CENPC: variants seen among roughly 807,000 people sequenced by gnomAD.
CENPC encodes the protein CENP-C 1.
CENPC carries 63 observed loss-of-function variants against 112.1 expected under a neutral mutation model. The ratio of observed to expected loss-of-function variants is 0.56; its 90% CI spans 0.46 to 0.69. CENPC has a LOEUF of 0.69. CENPC is among the 30% of genes least tolerant of loss of function. The pLI is 0.00. For missense variants in CENPC, 1,000 were observed against 1,103.8 expected (o/e 0.91, Z 1.33); for synonymous variants, 333 against 367.6 (o/e 0.91, Z 1.08).
intron 5 of CENPC, among the ~76,000 whole-genome samples, chr4:67,527,205 T>C (rs923833311): frequency 7.2e-5 from 11 of 152,086 alleles, no homozygotes; most frequent in Non-Finnish European, 1.3e-4. Context: ...TAATACACCA[T>C]GACCACATGG....
chr4:67,522,003 T>C (rs890695826), intron 5 of CENPC, among the ~76,000 whole-genome samples: 5 of 152,206 alleles, frequency 3.3e-5, no homozygotes, highest in African/African-American at 9.6e-5. Context: ...TATGGATTCA[T>C]GGTGGTGATA....
rs1726302477 is a variant in CENPC, at chr4:67,523,993, A to G, written c.332-4491T>C. 2.0e-5 allele frequency among the ~76,000 whole-genome samples: 3 copies of G among 152,100 alleles called. No homozygotes were observed. In the South Asian group the frequency reaches 6.2e-4, roughly 32 times the overall value. ...ACAGTAATGAATTATAAAGTAGAAA[A>G]TAAAATTTATCCATCAAGAAAAGAA... On this transcript the variant is annotated intron_variant, in intron 5 of 18. Transcript: ENST00000273853.
At chr4:67,527,225 G>C (rs544903210) in intron 5 of CENPC, among the ~76,000 whole-genome samples, 1 of 152,028 alleles carries the variant, frequency 6.6e-6, no homozygotes, top group South Asian at 2.1e-4. Context: ...GAAATTTTAC[G>C]CAAGGCTGGT....
intron 9 of CENPC, 102 bp from the exon 10 acceptor site, chr4:67,509,207 T>TACACACACACAC (rs36207189): frequency 3.3e-4 from 160 of 486,100 alleles, no homozygotes; most frequent in African/African-American, 7.6e-4. Flanking sequence ...CATATACACA[T>TACACACACACAC]ACACACACAC....
At chr4:67,523,821 G>A (rs1456465257) in intron 5 of CENPC, among the ~76,000 whole-genome samples, 2 of 152,054 alleles carry the variant, frequency 1.3e-5, no homozygotes, top group Non-Finnish European at 2.9e-5. Flanking sequence ...GGTTGATTCT[G>A]GGATGGGGCA....
At chr4:67,527,867 C>T (rs1475111129) in intron 5 of CENPC, among the ~76,000 whole-genome samples, 1 of 151,848 alleles carries the variant, frequency 6.6e-6, no homozygotes, top group Non-Finnish European at 1.5e-5. Flanking sequence ...AAATTAAAGA[C>T]ATAAACTAAA....
At chr4:67,537,016 C>T (rs918106630) in intron 4 of CENPC, among the ~76,000 whole-genome samples, 4 of 145,764 alleles carry the variant, frequency 2.7e-5, no homozygotes, top group Admixed American at 2.7e-4. Flanking sequence ...ACCAAGATCC[C>T]TACCTCTAAT....
At chr4:67,497,459 A>G (rs1209151040) in intron 12 of CENPC, among the ~76,000 whole-genome samples, 1 of 152,176 alleles carries the variant, frequency 6.6e-6, no homozygotes, top group Non-Finnish European at 1.5e-5. Flanking sequence ...CTACTGCAGT[A>G]AAACAGATAC....
rs866666238 is a variant in CENPC, at chr4:67,514,544, C to T, written c.974G>A (p.Gly325Glu). The T allele has an allele frequency of 6.2e-7, 1 of 1,612,244 alleles. No homozygotes were observed. The highest frequency in any genetic ancestry group is 1.3e-5 in the African/African-American group (1 of 74,952). The change falls in exon 8 of 19, where the codon GGG (glycine) becomes GAG (glutamate). Residue 325 changes from glycine to glutamate, a missense_variant. Gly to Glu is a moderately conservative substitution (Grantham distance 98). Transcript: ENST00000273853. The stretch of plus-strand genomic sequence containing the variant: ...GGATATTGTGCGTTGTTTCAGAGAC[C>T]CTGCCTTTCTTGGTATTGTAATCCA... ...RSWITIPRKA[G>E]SLKQRTISPA...
At chr4:67,519,694 T>C (rs1351057900) in intron 5 of CENPC, among the ~76,000 whole-genome samples, 192 bp from the exon 6 acceptor site, 1 of 152,020 alleles carries the variant, frequency 6.6e-6, no homozygotes. Context: ...GGGCTAAAAA[T>C]TGGTGACCTA....
At chr4:67,538,768 C>T (rs1726801075) in intron 4 of CENPC, among the ~76,000 whole-genome samples, 3 of 152,174 alleles carry the variant, frequency 2.0e-5, no homozygotes, top group Admixed American at 2.0e-4. Flanking sequence ...TACAAAGGAC[C>T]TAGAATAATC....
intron 5 of CENPC, among the ~76,000 whole-genome samples, chr4:67,524,238 G>A (rs1464511843): frequency 6.6e-6 from 1 of 152,048 alleles, no homozygotes; most frequent in Non-Finnish European, 1.5e-5. Flanking sequence ...ACCAAAAATA[G>A]GGTAATGCTT....
rs7670603 is a variant in CENPC at position 67,473,459 on chromosome 4, C to T, written c.2762-784G>A. Among the ~76,000 whole-genome samples the T allele has an allele frequency of 5.5e-3, 838 of 152,280 alleles. 5 individuals carry two copies. Among genetic ancestry groups the T allele is most frequent in the African/African-American group, 0.019 (773 of 41,552 alleles). On this transcript the variant is annotated intron_variant, in intron 18 of 18. Coordinates refer to ENST00000273853, the MANE Select transcript of CENPC (RefSeq NM_001812.4). ...GGCTATTATTATTGTCTCCTTCCAA[C>T]AGAATGTAAGCTCTATAAAAGCAGG...
intron 17 of CENPC, among the ~76,000 whole-genome samples, chr4:67,485,844 A>C (rs771201970): frequency 6.6e-6 from 1 of 152,176 alleles, no homozygotes; most frequent in Admixed American, 6.5e-5. Flanking sequence ...TGGATGAAGA[A>C]ACTGAGGCAC....
chr4:67,471,803 A>G lies in CENPC; in HGVS notation c.*802T>C, dbSNP rs1388669082. 1 of 152,302 alleles carries G rather than the reference A, an allele frequency of 6.6e-6. No homozygotes were observed. Among genetic ancestry groups the G allele is most frequent in the East Asian group, 1.9e-4 (1 of 5,198 alleles). 9.4% of individuals were successfully genotyped at this position (152,302 alleles called of 1,614,324 possible). A position where few individuals can be genotyped will look rare whatever the true frequency, so the allele number is the denominator to read the frequency against. ...TAGAATTTTTAGCTTAGATGTATTGATTGATATTAAAAAGGGAAAGTTGAG... is the reference window on the plus strand; with the variant it reads ...TAGAATTTTTAGCTTAGATGTATTGGTTGATATTAAAAAGGGAAAGTTGAG... On this transcript the variant is annotated 3_prime_UTR_variant, in exon 19 of 19. Transcript: ENST00000273853.
At chr4:67,522,679 G>T (rs1011899495) in intron 5 of CENPC, among the ~76,000 whole-genome samples, 1 of 152,142 alleles carries the variant, frequency 6.6e-6, no homozygotes, top group Non-Finnish European at 1.5e-5. Flanking sequence ...TGGATGGGGG[G>T]AAAGGTGATG....
intron 1 of CENPC, among the ~76,000 whole-genome samples, chr4:67,544,942 G>T (rs1157498270): frequency 6.6e-6 from 1 of 152,044 alleles, no homozygotes. Flanking sequence ...CTACCATGGG[G>T]AGAAAAGTTA....
Position 67,514,198 on chromosome 4 carries a change from T to C in CENPC, c.1320A>G (p.Lys440=), listed in dbSNP as rs937941253. 1 of 1,613,240 alleles carries C rather than the reference T, an allele frequency of 6.2e-7. No homozygotes were observed. Among genetic ancestry groups the C allele is most frequent in the Non-Finnish European group, 8.5e-7 (1 of 1,179,634 alleles). ...AEEQLDVGQS[K]DENIHTSHIT... ...TATGTGATGTATGTATGTTTTCATC[T>C]TTAGACTGTCCCACATCAAGCTGTT... is the stretch of plus-strand genomic sequence containing the variant. Residue 440 remains lysine, a synonymous_variant, in exon 8 of 19, where the codon AAA becomes AAG. Coordinates refer to ENST00000273853, the MANE Select transcript of CENPC (RefSeq NM_001812.4).
rs1028110532 is a variant in CENPC, at chr4:67,544,155, G to A, written c.59C>T (p.Pro20Leu). 5.9e-6 allele frequency: 9 copies of A among 1,517,148 alleles called. No individual in the cohort carries two copies. Among genetic ancestry groups the A allele is most frequent in the Non-Finnish European group, 8.2e-6 (9 of 1,093,550 alleles). The allele number at this position is 1,517,148 out of a possible 1,614,324, so 94.0% of individuals were successfully genotyped here. A position where few individuals can be genotyped will look rare whatever the true frequency, so the allele number is the denominator to read the frequency against. Residue 20 changes from proline (P) to leucine (L), a missense_variant, in exon 2 of 19, where the codon CCT (proline) becomes CTT (leucine). By Grantham distance (98) the Pro-to-Leu change is moderately conservative. Transcript: ENST00000273853. Reference protein sequence around the residue: ...KNGYRRRFCRPSRARDINTEQ... With the variant: ...KNGYRRRFCRLSRARDINTEQ... ...GCTTAAGTACGTAAATCACCTGGAA[G>A]GTCGACAAAATCTTCTTCTGTAGCC... is the stretch of plus-strand genomic sequence containing the variant.
Sources: gnomAD v4.1 joint callset for allele counts (sites outside exome capture counted in the v4.1 genomes callset) on GRCh38, gnomAD v4.1.1 for gene constraint, MANE v1.5 for transcripts, NCBI Gene and HGNC (gene_info 2026-07-23, HGNC 2026-07-21) for gene names.